Variants in VPS13C observed in about 807,000 individuals in gnomAD.
VPS13C encodes intermembrane lipid transfer protein VPS13C.
VPS13C carries 358 observed loss-of-function variants against 456.8 expected under a neutral mutation model. The ratio of observed to expected loss-of-function variants is 0.78; its 90% CI spans 0.72 to 0.86. The LOEUF (loss-of-function observed/expected upper bound fraction) is 0.86. Among genes scored for constraint, VPS13C ranks in the 40% least tolerant of loss-of-function variants. The probability of loss-of-function intolerance (pLI) is 0.00; values close to 1 mark genes in which losing one functional copy is unlikely to be tolerated. For missense variants in VPS13C, 4,818 were observed against 4,385.4 expected, an observed-to-expected ratio of 1.10 and a Z score of -2.79; for synonymous variants, 1,578 against 1,486.7, an observed-to-expected ratio of 1.06 and a Z score of -1.41.
chr15:61,969,766 T>G (rs536720743), intron 27 of VPS13C, among the ~76,000 whole-genome samples: 9 of 152,180 alleles, frequency 5.9e-5, no homozygotes, highest in Non-Finnish European at 2.9e-5. Context: ...GCAAAAATCA[T>G]GTTTAGTAAT....
At chr15:61,952,743 G>C (rs747256053) in intron 38 of VPS13C, among the ~76,000 whole-genome samples, 14 of 152,110 alleles carry the variant, frequency 9.2e-5, no homozygotes, top group Admixed American at 6.6e-5. Context: ...GTTAGAGACA[G>C]GGTCTTGCTC....
chr15:61,865,774 ATATG>A (rs1894532507), intron 81 of VPS13C: 3 of 730,852 alleles, frequency 4.1e-6, no homozygotes, highest in Non-Finnish European at 4.9e-6. Context: ...ACGTGTGTAT[ATATG>A]TATGTGTATA....
intron 3 of VPS13C, 75 bp from the exon 4 acceptor site, chr15:62,035,127 A>C (rs1169054019): frequency 1.2e-5 from 13 of 1,057,358 alleles, no homozygotes; most frequent in Non-Finnish European, 1.7e-5. Flanking sequence ...CTTTCCATTA[A>C]GCGAAAAAGC....
Position 61,917,494 on chromosome 15 carries a change from G to A in VPS13C, c.7902C>T (p.Phe2634=), listed in dbSNP as rs995778004. 14 of 1,613,934 alleles carry A rather than the reference G, an allele frequency of 8.7e-6. No homozygotes were observed. Among genetic ancestry groups the A allele is most frequent in the Non-Finnish European group, 1.2e-5 (14 of 1,179,926 alleles). ...CAACTGTATTCACTATGAGAGGTAA[G>A]AAGCTGACTTCTACTGATGGACACT... The part of the protein sequence containing the change: ...MLQCPSVEVS[F]LPLIVNTVAL... Residue 2634 remains phenylalanine (F), a synonymous_variant, in exon 60 of 85, where the codon TTC becomes TTT. Transcript: ENST00000644861.
chr15:61,882,053 G>C (rs1895895945), intron 69 of VPS13C, among the ~76,000 whole-genome samples: 1 of 152,156 alleles, frequency 6.6e-6, no homozygotes, highest in South Asian at 2.1e-4. Context: ...TGTATTAACA[G>C]TGTGCAGTAT....
chr15:61,898,353 A>G (rs1425628906), intron 66 of VPS13C, among the ~76,000 whole-genome samples: 1 of 152,014 alleles, frequency 6.6e-6, no homozygotes, highest in Non-Finnish European at 1.5e-5. Flanking sequence ...GTATTCAGGA[A>G]ACCCATCTCA....
At chr15:62,019,519 T>A (rs1184390456) in intron 9 of VPS13C, among the ~76,000 whole-genome samples, 2 of 152,186 alleles carry the variant, frequency 1.3e-5, no homozygotes, top group African/African-American at 4.8e-5. Flanking sequence ...AAAGAACATC[T>A]TTATTTCTGC....
chr15:61,891,480 T>A (rs974363384), intron 66 of VPS13C, among the ~76,000 whole-genome samples: 4 of 152,334 alleles, frequency 2.6e-5, no homozygotes, highest in African/African-American at 9.6e-5. Flanking sequence ...AACATACCTA[T>A]TAAGAAGGTG....
At position 61,922,708 on chromosome 15, in the gene VPS13C, T is replaced by C. The variant is rs1376609773; in HGVS notation, c.6664A>G (p.Lys2222Glu). Residue 2222 changes from lysine (K) to glutamate (E), a missense_variant, in exon 54 of 85, where the codon AAA (lysine) becomes GAA (glutamate). Physicochemically the swap from Lys to Glu is moderately conservative, Grantham distance 56. This residue lies in a region of VPS13C where 4,552 missense variants were observed against 4,130.6 expected (regional missense o/e 1.10). Transcript: ENST00000644861. ...TCTTTGGATCCATCTTCTTTTGTTT[T>C]TGGAGACAATGCAGCCATGATTGTC... The part of the protein sequence containing the change: ...VLTIMAALSP[K>E]TKEDGSKDTS... The C allele has an allele frequency of 1.2e-6, 2 of 1,613,720 alleles. No homozygotes were observed. The highest frequency in any genetic ancestry group is 8.5e-7 in the Non-Finnish European group (1 of 1,179,868).
At chr15:62,040,123 C>T (rs2048191936) in intron 3 of VPS13C, among the ~76,000 whole-genome samples, 1 of 152,130 alleles carries the variant, frequency 6.6e-6, no homozygotes, top group African/African-American at 2.4e-5. Flanking sequence ...AGACAAGCTT[C>T]ACATGTTCTC....
At chr15:61,922,296 T>G in intron 54 of VPS13C, 101 bp downstream of exon 54, 1 of 1,389,090 alleles carries the variant, frequency 7.2e-7, no homozygotes, top group Admixed American at 2.2e-5. Context: ...TATTCACATA[T>G]GTACTCATAG....
intron 35 of VPS13C, among the ~76,000 whole-genome samples, 166 bp from the exon 36 acceptor site, chr15:61,959,761 GAAGGGACAAATTAA>G (rs1338993191): frequency 6.6e-6 from 1 of 152,234 alleles, no homozygotes; most frequent in East Asian, 1.9e-4. Flanking sequence ...TAATCCACTA[GAAGGGACAAATTAA>G]AAGGTGATAT....
At chr15:61,856,687 C>CTTT (rs542779595) in intron 82 of VPS13C, 1,198 of 113,634 alleles carry the variant, frequency 0.011, no homozygotes, top group Admixed American at 0.015. Flanking sequence ...TTTTTCTTTT[C>CTTT]TTTTTTTTTT....
chr15:61,966,535 T>C (rs2045382112), intron 29 of VPS13C, among the ~76,000 whole-genome samples: 1 of 151,888 alleles, frequency 6.6e-6, no homozygotes, highest in Admixed American at 6.6e-5. Context: ...AACTAATCTT[T>C]AGAAAGCTTT....
At chr15:61,897,227 C>A (rs866554252) in intron 66 of VPS13C, among the ~76,000 whole-genome samples, 10 of 152,218 alleles carry the variant, frequency 6.6e-5, no homozygotes, top group Non-Finnish European at 1.3e-4. Flanking sequence ...AGTTCCTCAC[C>A]AGCAACGGAA....
intron 1 of VPS13C, among the ~76,000 whole-genome samples, chr15:62,060,051 C>A (rs2048945513): frequency 6.6e-6 from 1 of 152,190 alleles, no homozygotes. Context: ...AAGGTGGGAA[C>A]TTTGGCAGCG....
intron 16 of VPS13C, among the ~76,000 whole-genome samples, chr15:61,995,668 A>G (rs1349853699): frequency 6.6e-6 from 1 of 152,212 alleles, no homozygotes; most frequent in Non-Finnish European, 1.5e-5. Context: ...CCAGAAATCA[A>G]CAAAAAGCTG....
chr15:61,942,222 C>A (rs186054452), intron 45 of VPS13C, among the ~76,000 whole-genome samples, 155 bp from the exon 46 acceptor site: 1 of 151,906 alleles, frequency 6.6e-6, no homozygotes, highest in Non-Finnish European at 1.5e-5. Context: ...TAGAAACATA[C>A]ACTCTGAGCT....
In VPS13C at chr15:61,920,272, A is replaced by T. The variant is rs2043609157; in HGVS notation, c.7272T>A (p.Phe2424Leu). ...GAACACCTACAGCATTTTTTACCGT[A>T]AAAGGAGCTCTGTCCTTTAAAGAGT... ...FDYSLKDRAPFTVKNAVGVPI... is the reference protein window; with the variant it reads ...FDYSLKDRAPLTVKNAVGVPI... The change falls in exon 57 of 85, where the codon TTT becomes TTA. Residue 2424 changes from phenylalanine (F) to leucine (L), a missense_variant. Phe to Leu is a conservative substitution (Grantham distance 22). Coordinates refer to ENST00000644861, the MANE Select transcript of VPS13C (RefSeq NM_020821.3). 6.2e-7 allele frequency: 1 copy of T among 1,613,224 alleles called. No individual in the cohort carries two copies. Among genetic ancestry groups the T allele is most frequent in the African/African-American group, 1.3e-5 (1 of 74,910 alleles).
Sources: gnomAD v4.1 joint callset for allele counts (sites outside exome capture counted in the v4.1 genomes callset) on GRCh38, gnomAD v4.1.1 for gene constraint, gnomAD v4.1.1 regional missense constraint, MANE v1.5 for transcripts, NCBI Gene and HGNC (gene_info 2026-07-23, HGNC 2026-07-21) for gene names.